The following MTMR3 variants were observed in gnomAD, a reference collection of about 807,000 sequenced individuals.
MTMR3 encodes phosphatidylinositol-3,5-bisphosphate 3-phosphatase MTMR3.
Under a neutral mutation model 132.4 loss-of-function variants are expected in MTMR3, and 32 were observed. The ratio of observed to expected loss-of-function variants is 0.24; its 90% CI spans 0.18 to 0.32. The LOEUF is 0.32. Ranked by LOEUF, MTMR3 falls within the 10% of genes least tolerant of loss-of-function variation. The pLI is 1.00. For synonymous variants in MTMR3, 556 were observed against 550.3 expected (o/e 1.01, Z -0.14); for missense variants, 1,216 against 1,489.6 (o/e 0.82, Z 3.02).
chr22:29,927,939 G>GTT (rs764629136), intron 1 of MTMR3, among the ~76,000 whole-genome samples: 4,617 of 107,210 alleles, frequency 0.043, 474 homozygotes, highest in South Asian at 0.24. Context: ...TCTAGCCTTT[G>GTT]TTTTTTTTTT....
intron 8 of MTMR3, chr22:29,999,492 G>A (rs778124763): frequency 3.9e-5 from 6 of 152,136 alleles, no homozygotes; most frequent in Non-Finnish European, 7.4e-5. Context: ...ATAATTTCAT[G>A]CATGATGTTT....
chr22:29,902,581 C>T lies in MTMR3; in HGVS notation c.-138+19222C>T, dbSNP rs1403439222. On this transcript the variant is annotated intron_variant, in intron 1 of 19. Transcript: ENST00000401950. ...ATGGGGTTTCACGATATTGGCCAGG[C>T]TGGTCTTGAACTCCTGACCTTGTGA... Among the ~76,000 whole-genome samples the T allele has an allele frequency of 2.0e-5, 3 of 152,020 alleles. No individual in the cohort carries two copies. The East Asian group carries it at 5.8e-4, about 30-fold the overall frequency.
At chr22:29,911,166 A>G (rs891471575) in intron 1 of MTMR3, among the ~76,000 whole-genome samples, 2 of 152,180 alleles carry the variant, frequency 1.3e-5, no homozygotes, top group African/African-American at 4.8e-5. Context: ...GATGGATCCC[A>G]TGGCACTGTG....
At chr22:29,954,059 CT>C (rs59781649) in intron 1 of MTMR3, among the ~76,000 whole-genome samples, 96 of 79,418 alleles carry the variant, frequency 1.2e-3, no homozygotes, top group Non-Finnish European at 1.5e-3. Context: ...TCAAATGAGT[CT>C]TTTTTTTTTT....
At chr22:29,888,140 T>G (rs2064715456) in intron 1 of MTMR3, among the ~76,000 whole-genome samples, 1 of 152,178 alleles carries the variant, frequency 6.6e-6, no homozygotes. Context: ...CTTTTGTTTC[T>G]TTTTAAAAGA....
Position 29,899,333 on chromosome 22 carries a change from G to A in MTMR3, c.-138+15974G>A, listed in dbSNP as rs1185031981. 6.6e-5 allele frequency among the ~76,000 whole-genome samples: 10 copies of A among 152,108 alleles called. No individual in the cohort carries two copies. The South Asian group carries it at 1.7e-3, about 25-fold the overall frequency. Reference sequence around the variant, plus strand: ...CTCCCAGAGTGCTGGGATTATAGACGTGAGCCATTGTGCCCAGCCAGAAAT... The same window carrying A: ...CTCCCAGAGTGCTGGGATTATAGACATGAGCCATTGTGCCCAGCCAGAAAT... On this transcript the variant is annotated intron_variant, in intron 1 of 19. Transcript: ENST00000401950.
intron 14 of MTMR3, chr22:30,014,469 C>T (rs146893803): frequency 4.2e-4 from 63 of 148,744 alleles, no homozygotes; most frequent in African/African-American, 1.4e-3. Flanking sequence ...TTGTTTCTGC[C>T]TCCTTTGCTG....
intron 2 of MTMR3, among the ~76,000 whole-genome samples, chr22:29,957,413 TTGTATTTA>T (rs1271004428): frequency 1.5e-5 from 2 of 129,170 alleles, no homozygotes; most frequent in African/African-American, 5.9e-5. Context: ...CAATCTCCAG[TTGTATTTA>T]TTTATTTATT....
At chr22:29,944,535 A>G (rs2065919254) in intron 1 of MTMR3, among the ~76,000 whole-genome samples, 1 of 152,156 alleles carries the variant, frequency 6.6e-6, no homozygotes, top group African/African-American at 2.4e-5. Context: ...TTGGAGGAGG[A>G]TAGTATTTGT....
At chr22:29,940,874 A>G (rs2065844078) in intron 1 of MTMR3, among the ~76,000 whole-genome samples, 5 of 150,010 alleles carry the variant, frequency 3.3e-5, no homozygotes, top group Admixed American at 3.3e-4. Flanking sequence ...CTTTGGTTAT[A>G]AGAGAGACCA....
At chr22:29,931,656 G>T (rs370688049) in intron 1 of MTMR3, among the ~76,000 whole-genome samples, 1 of 152,086 alleles carries the variant, frequency 6.6e-6, no homozygotes, top group African/African-American at 2.4e-5. Context: ...CTCGTGATCC[G>T]CCTGCCTTGG....
chr22:29,918,761 CAT>C (rs986047514), intron 1 of MTMR3, among the ~76,000 whole-genome samples: 6 of 152,164 alleles, frequency 3.9e-5, no homozygotes, highest in Admixed American at 2.6e-4. Context: ...TAATCTGTCT[CAT>C]ATCATTTCAT....
chr22:30,019,459 C>T (rs376577061), intron 16 of MTMR3, 21 bp from the exon 17 acceptor site: 20 of 1,572,768 alleles, frequency 1.3e-5, no homozygotes, highest in Non-Finnish European at 1.5e-5. Context: ...TTTTCATTTC[C>T]CCCAAATTCC....
At chr22:29,939,628 A>G (rs533807468) in intron 1 of MTMR3, among the ~76,000 whole-genome samples, 19 of 151,936 alleles carry the variant, frequency 1.3e-4, no homozygotes, top group African/African-American at 3.9e-4. Context: ...GTGACTTTCT[A>G]TATGTATGAA....
chr22:29,955,523 C>T (rs1416525215), intron 1 of MTMR3, among the ~76,000 whole-genome samples: 1 of 152,246 alleles, frequency 6.6e-6, no homozygotes, highest in South Asian at 2.1e-4. Flanking sequence ...TACTTAATAG[C>T]AAGACTGGTC....
intron 9 of MTMR3, chr22:30,003,769 G>A (rs1405131794): frequency 6.6e-6 from 1 of 152,148 alleles, no homozygotes; most frequent in African/African-American, 2.4e-5. Flanking sequence ...TGCTGCTTTT[G>A]TAATTCATTG....
intron 2 of MTMR3, among the ~76,000 whole-genome samples, chr22:29,961,895 CTG>C (rs757626922): frequency 1.1e-4 from 17 of 152,188 alleles, no homozygotes; most frequent in Non-Finnish European, 2.4e-4. Context: ...ATAGGGAGCA[CTG>C]TGTTACAGTT....
At chr22:29,890,344 C>G (rs2064771888) in intron 1 of MTMR3, among the ~76,000 whole-genome samples, 1 of 152,006 alleles carries the variant, frequency 6.6e-6, no homozygotes, top group Non-Finnish European at 1.5e-5. Context: ...TGGTAAAACC[C>G]CGTCTCTACT....
intron 7 of MTMR3, chr22:29,994,480 A>G (rs1176600157): frequency 6.6e-6 from 1 of 151,714 alleles, no homozygotes; most frequent in African/African-American, 2.4e-5. Context: ...GTGGCGGTGT[A>G]TATAGCATTA....
Sources: gnomAD v4.1 joint callset for allele counts (sites outside exome capture counted in the v4.1 genomes callset) on GRCh38, gnomAD v4.1.1 for gene constraint, MANE v1.5 for transcripts, NCBI Gene and HGNC (gene_info 2026-07-23, HGNC 2026-07-21) for gene names.